The following CNTLN variants were observed in gnomAD, a reference collection of about 807,000 sequenced individuals.
CNTLN encodes the protein centlein, also known as centlein, centrosomal protein.
CNTLN carries 212 observed loss-of-function variants against 180.0 expected under a neutral mutation model. The ratio of observed to expected loss-of-function variants is 1.18; its 90% CI spans 1.05 to 1.32. CNTLN has a LOEUF of 1.32. Among genes scored for constraint, CNTLN ranks in the 40% most tolerant of loss-of-function variants. CNTLN has a pLI of 0.00. For missense variants in CNTLN, 2,095 were observed against 1,610.9 expected (o/e 1.30, Z -5.14); for synonymous variants, 722 against 563.1 (o/e 1.28, Z -3.99).
In CNTLN at chr9:17,470,040, C is replaced by G. The variant is rs149804803; in HGVS notation, c.3855+3149C>G. Among the ~76,000 whole-genome samples, 358 of 151,976 alleles carry G rather than the reference C, an allele frequency of 2.4e-3. 2 individuals carry two copies. The highest frequency in any genetic ancestry group is 8.4e-3 in the African/African-American group (348 of 41,510). On this transcript the variant is annotated intron_variant, in intron 23 of 25. Transcript: ENST00000380647. ...TAGTAATAGCAGTAGTAGTATGGCT[C>G]TGACTCGTCTCCTGAACATTTATTA...
chr9:17,174,450 C>G (rs777046619), intron 2 of CNTLN, among the ~76,000 whole-genome samples: 5 of 152,152 alleles, frequency 3.3e-5, no homozygotes, highest in Admixed American at 6.5e-5. Context: ...AATCTTAGCA[C>G]TTTGGGAGGC....
intron 10 of CNTLN, among the ~76,000 whole-genome samples, chr9:17,333,007 C>T (rs1348279): frequency 0.83 from 126,761 of 151,976 alleles, 53,039 homozygotes; most frequent in Non-Finnish European, 0.87. Context: ...TAACCCTTTC[C>T]CAAAGGCAAA....
intron 13 of CNTLN, among the ~76,000 whole-genome samples, chr9:17,377,420 A>G (rs1824865521): frequency 6.6e-6 from 1 of 152,146 alleles, no homozygotes; most frequent in African/African-American, 2.4e-5. Flanking sequence ...GCGTGCTTGT[A>G]ATCCCAGCTA....
chr9:17,381,344 T>G (rs2133591234), intron 13 of CNTLN, among the ~76,000 whole-genome samples: 1 of 152,334 alleles, frequency 6.6e-6, no homozygotes, highest in Admixed American at 6.5e-5. Context: ...AGCTCTGATC[T>G]TTCTTAGAGT....
chr9:17,492,853 T>C (rs1833239063), intron 25 of CNTLN, among the ~76,000 whole-genome samples: 1 of 152,132 alleles, frequency 6.6e-6, no homozygotes, highest in Admixed American at 6.5e-5. Flanking sequence ...CACCGATGAA[T>C]GAATGGATAA....
At chr9:17,313,988 C>T (rs1819379096) in intron 8 of CNTLN, among the ~76,000 whole-genome samples, 1 of 152,096 alleles carries the variant, frequency 6.6e-6, no homozygotes, top group Admixed American at 6.5e-5. Flanking sequence ...CCTGCCTTGG[C>T]CTCCTGAAGT....
chr9:17,231,148 C>T (rs2132118796), intron 3 of CNTLN, among the ~76,000 whole-genome samples: 1 of 152,210 alleles, frequency 6.6e-6, no homozygotes, highest in African/African-American at 2.4e-5. Context: ...AGATGACTGC[C>T]AAGTTCCTTA....
At chr9:17,265,954 G>T (rs928438238) in intron 5 of CNTLN, among the ~76,000 whole-genome samples, 1 of 151,526 alleles carries the variant, frequency 6.6e-6, no homozygotes, top group Non-Finnish European at 1.5e-5. Flanking sequence ...TCTTGCTAGC[G>T]GTCTATCAAT....
intron 18 of CNTLN, among the ~76,000 whole-genome samples, chr9:17,438,024 T>G (rs1829880797): frequency 6.6e-6 from 1 of 152,192 alleles, no homozygotes; most frequent in Non-Finnish European, 1.5e-5. Flanking sequence ...ACATAGCAGT[T>G]TGTTGAGAAT....
At chr9:17,165,387 C>T (rs1819998879) in intron 2 of CNTLN, among the ~76,000 whole-genome samples, 1 of 152,060 alleles carries the variant, frequency 6.6e-6, no homozygotes, top group South Asian at 2.1e-4. Flanking sequence ...GAAAAGGTGA[C>T]AGTGGATGAC....
intron 12 of CNTLN, among the ~76,000 whole-genome samples, chr9:17,345,207 AG>A (rs1351218295): frequency 6.6e-6 from 1 of 152,168 alleles, no homozygotes; most frequent in Non-Finnish European, 1.5e-5. Flanking sequence ...TTATTTTTTA[AG>A]GGAAATGCCC....
At chr9:17,190,396 G>T (rs1048024668) in intron 2 of CNTLN, among the ~76,000 whole-genome samples, 2 of 151,754 alleles carry the variant, frequency 1.3e-5, no homozygotes, top group Non-Finnish European at 1.5e-5. Flanking sequence ...TACATATATT[G>T]CATTGTGAAC....
intron 2 of CNTLN, among the ~76,000 whole-genome samples, chr9:17,221,331 C>T (rs769142391): frequency 2.6e-5 from 4 of 151,656 alleles, no homozygotes; most frequent in Non-Finnish European, 5.9e-5. Context: ...CGATAGGCAA[C>T]GCCAAAACAT....
chr9:17,389,533 A>G (rs1825938611), intron 14 of CNTLN, among the ~76,000 whole-genome samples: 1 of 151,904 alleles, frequency 6.6e-6, no homozygotes, highest in Non-Finnish European at 1.5e-5. Context: ...GACCTGAACA[A>G]CCAATATAAA....
At chr9:17,389,282 T>G (rs141148212) in intron 14 of CNTLN, among the ~76,000 whole-genome samples, 292 of 152,252 alleles carry the variant, frequency 1.9e-3, no homozygotes, top group Non-Finnish European at 3.6e-3. Flanking sequence ...TTAGGTAAAA[T>G]GATTAATTGA....
intron 18 of CNTLN, among the ~76,000 whole-genome samples, chr9:17,440,961 G>T (rs1198096184): frequency 6.6e-6 from 1 of 152,160 alleles, no homozygotes; most frequent in Non-Finnish European, 1.5e-5. Context: ...CTGTAAATGG[G>T]CATGAGGTTC....
intron 23 of CNTLN, among the ~76,000 whole-genome samples, chr9:17,482,191 A>T (rs1319045759): frequency 6.6e-6 from 1 of 152,160 alleles, no homozygotes; most frequent in African/African-American, 2.4e-5. Context: ...AACTAAACCA[A>T]ATTAGGAAGA....
chr9:17,174,281 T>G (rs1820581898), intron 2 of CNTLN, among the ~76,000 whole-genome samples: 1 of 152,230 alleles, frequency 6.6e-6, no homozygotes, highest in African/African-American at 2.4e-5. Flanking sequence ...CTATTATGAA[T>G]TAGTTGCTAT....
At position 17,368,853 on chromosome 9, in the gene CNTLN, G is replaced by A. The variant is rs138198392; in HGVS notation, c.1987+2136G>A. 2.1e-3 allele frequency among the ~76,000 whole-genome samples: 312 copies of A among 152,192 alleles called. 2 individuals carry two copies. The highest frequency in any genetic ancestry group is 7.3e-3 in the African/African-American group (305 of 41,526). ...CAACACCCAAGTCCTTTCAAATACC[G>A]GAAAGTCTTGGGCTGAATCAATCCT... On this transcript the variant is annotated intron_variant, in intron 13 of 25. Transcript: ENST00000380647.
Sources: gnomAD v4.1 joint callset for allele counts (sites outside exome capture counted in the v4.1 genomes callset) on GRCh38, gnomAD v4.1.1 for gene constraint, MANE v1.5 for transcripts, NCBI Gene and HGNC (gene_info 2026-07-23, HGNC 2026-07-21) for gene names.